Variants in ZNF260 observed in about 807,000 individuals in gnomAD.
ZNF260 encodes the protein zinc finger protein 260, also known as zfp-260.
Under a neutral mutation model 29.3 loss-of-function variants are expected in ZNF260, and 21 were observed. The ratio of observed to expected loss-of-function variants is 0.72; its 90% CI spans 0.51 to 1.03. The LOEUF (loss-of-function observed/expected upper bound fraction) is 1.03, where lower values mean the gene tolerates loss of function less well. Ranked by LOEUF, ZNF260 falls within the 50% of genes least tolerant of loss-of-function variation. The probability of loss-of-function intolerance (pLI) is 0.00; values close to 1 mark genes in which losing one functional copy is unlikely to be tolerated. For synonymous variants in ZNF260, 156 were observed against 156.8 expected, an observed-to-expected ratio of 0.99 and a Z score of 0.04; for missense variants, 465 against 487.8, an observed-to-expected ratio of 0.95 and a Z score of 0.44.
Position 36,513,669 on chromosome 19 carries a change from A to G in ZNF260, c.*331T>C, listed in dbSNP as rs1187268465. On this transcript the variant is annotated 3_prime_UTR_variant, in exon 3 of 3. Transcript: ENST00000523638. ...CACAAAAATGATAATTTTGTCTCTT[A>G]ATTTCAAATCCTCATACATCTCATA... The G allele has an allele frequency of 7.2e-6, 3 of 414,900 alleles. No homozygotes were observed. The Admixed American group carries it at 1.2e-4, about 16-fold the overall frequency. 25.7% of individuals were successfully genotyped at this position (414,900 alleles called of 1,614,324 possible).
intron 2 of ZNF260, among the ~76,000 whole-genome samples, chr19:36,521,080 CAAA>C (rs767618733): frequency 1.8e-5 from 2 of 108,580 alleles, no homozygotes; most frequent in Admixed American, 9.4e-5. Flanking sequence ...GACCTTGTCT[CAAA>C]AAAAAAAAAA....
chr19:36,523,664 G>A (rs1489355058), intron 2 of ZNF260, among the ~76,000 whole-genome samples: 2 of 145,678 alleles, frequency 1.4e-5, no homozygotes, highest in African/African-American at 5.1e-5. Context: ...TGCAACCTCC[G>A]CCTCCCAGGT....
rs950830549 is a variant in ZNF260, at chr19:36,512,984, C to A, written c.*1016G>T. The A allele has an allele frequency of 9.9e-5, 15 of 152,076 alleles. No homozygotes were observed. Among genetic ancestry groups the A allele is most frequent in the African/African-American group, 3.4e-4 (14 of 41,410 alleles). The allele number at this position is 152,076 out of a possible 1,614,324, so 9.4% of individuals were successfully genotyped here. A position where few individuals can be genotyped will look rare whatever the true frequency, so the allele number is the denominator to read the frequency against. On this transcript the variant is annotated 3_prime_UTR_variant, in exon 3 of 3. Transcript: ENST00000523638. ...TCAGTTACCTGTAGTCACCACAGTTCATAAATAGTTGAGAACAGTACAATA... is the reference window on the plus strand; with the variant it reads ...TCAGTTACCTGTAGTCACCACAGTTAATAAATAGTTGAGAACAGTACAATA...
intron 2 of ZNF260, among the ~76,000 whole-genome samples, chr19:36,516,425 C>G (rs919851120): frequency 7.2e-5 from 11 of 151,806 alleles, no homozygotes; most frequent in Non-Finnish European, 1.5e-4. Context: ...GCGAGACTCT[C>G]GTCTCTATAA....
At chr19:36,527,909 A>C (rs968506941) in intron 1 of ZNF260, among the ~76,000 whole-genome samples, 2 of 152,078 alleles carry the variant, frequency 1.3e-5, no homozygotes, top group African/African-American at 4.8e-5. Flanking sequence ...TTTAGAAATG[A>C]GAAAAGTGAG....
chr19:36,527,950 C>G (rs1187051604), intron 1 of ZNF260, among the ~76,000 whole-genome samples: 1 of 152,050 alleles, frequency 6.6e-6, no homozygotes, highest in Non-Finnish European at 1.5e-5. Context: ...CAAAGCCATC[C>G]GTCCATCCTC....
chr19:36,514,910 G>C lies in ZNF260; in HGVS notation c.329C>G (p.Pro110Arg). The C allele has an allele frequency of 6.2e-7, 1 of 1,614,066 alleles. No individual in the cohort carries two copies. The highest frequency in any genetic ancestry group is 8.5e-7 in the Non-Finnish European group (1 of 1,180,008). Residue 110 changes from proline to arginine, a missense_variant, in exon 3 of 3, where the codon CCT becomes CGT. By Grantham distance (103) the Pro-to-Arg change is moderately radical. Coordinates refer to ENST00000523638, the MANE Select transcript of ZNF260 (RefSeq NM_001166037.2). ...AATAGAAACTTTTTCACATTCATAA[G>C]GTTTCTCTCCAGTGTGATGTTTCTG... is the stretch of plus-strand genomic sequence containing the variant. ...SHQKHHTGEK[P>R]YECEKVSIQM...
intron 1 of ZNF260, among the ~76,000 whole-genome samples, chr19:36,526,615 A>G (rs2034739120): frequency 6.6e-6 from 1 of 152,216 alleles, no homozygotes; most frequent in Non-Finnish European, 1.5e-5. Context: ...CTTTAAAATT[A>G]TCTCCAGATT....
chr19:36,525,645 G>A (rs1194529737), intron 1 of ZNF260, among the ~76,000 whole-genome samples: 1 of 152,052 alleles, frequency 6.6e-6, no homozygotes. Context: ...AAATTAGCCA[G>A]GCGTGGTGGC....
Position 36,514,580 on chromosome 19 carries a change from T to C in ZNF260, c.659A>G (p.Tyr220Cys). 1 of 1,614,132 alleles carries C rather than the reference T, an allele frequency of 6.2e-7. No homozygotes were observed. Among genetic ancestry groups the C allele is most frequent in the Non-Finnish European group, 8.5e-7 (1 of 1,180,004 alleles). ...AGCTTTCCCACACCCTTTACATTCA[T>C]AAGGTTTCTCTCCAGTATGGATTCT... The part of the protein sequence containing the change: ...HQRIHTGEKP[Y>C]ECKGCGKAFI... Residue 220 changes from tyrosine to cysteine, a missense_variant, in exon 3 of 3, where the codon TAT becomes TGT. Physicochemically the swap from Tyr to Cys is radical, Grantham distance 194. Coordinates refer to ENST00000523638, the MANE Select transcript of ZNF260 (RefSeq NM_001166037.2).
chr19:36,527,250 G>A (rs1237312874), intron 1 of ZNF260, among the ~76,000 whole-genome samples: 1 of 152,162 alleles, frequency 6.6e-6, no homozygotes, highest in Non-Finnish European at 1.5e-5. Flanking sequence ...CCAATAGTTA[G>A]GGGAAAAGCA....
Position 36,514,690 on chromosome 19 carries a change from C to T in ZNF260, c.549G>A (p.Gln183=), listed in dbSNP as rs543219900. ...FSQKQYLIKH[Q]NIHTGKKPFK... is the part of the protein sequence containing the mutation. The stretch of plus-strand genomic sequence containing the variant: ...AGGGCTTCTTTCCAGTATGGATGTT[C>T]TGATGTTTAATGAGGTATTGCTTCT... Residue 183 remains glutamine (Q), a synonymous_variant, in exon 3 of 3, where the codon CAG becomes CAA. Transcript: ENST00000523638. The T allele has an allele frequency of 2.2e-5, 35 of 1,613,632 alleles. No individual in the cohort carries two copies. In the South Asian group the frequency reaches 3.3e-4, roughly 15 times the overall value.
chr19:36,518,711 G>A lies in ZNF260; in HGVS notation c.-461-3012C>T, dbSNP rs1431413055. 5.9e-5 allele frequency among the ~76,000 whole-genome samples: 9 copies of A among 152,218 alleles called. No individual in the cohort carries two copies. In the East Asian group the frequency reaches 1.5e-3, roughly 26 times the overall value. ...AAGAGCTAATAAAGAACACTTCCCA[G>A]AATTACAAATCATGAGTCCACATAC... On this transcript the variant is annotated intron_variant, in intron 2 of 2. Coordinates refer to ENST00000523638, the MANE Select transcript of ZNF260 (RefSeq NM_001166037.2).
chr19:36,513,992 A>G lies in ZNF260; in HGVS notation c.*8T>C. ...GTTTTGCTAAATCCAAGGCATTCAT[A>G]GAGAACTTTAATGAGTATGAATTCT... On this transcript the variant is annotated 3_prime_UTR_variant, in exon 3 of 3. Coordinates refer to ENST00000523638, the MANE Select transcript of ZNF260 (RefSeq NM_001166037.2). 6.2e-7 allele frequency: 1 copy of G among 1,602,186 alleles called. No homozygotes were observed. The highest frequency in any genetic ancestry group is 2.2e-5 in the East Asian group (1 of 44,650).
At chr19:36,527,927 G>A (rs572043749) in intron 1 of ZNF260, among the ~76,000 whole-genome samples, 10 of 152,164 alleles carry the variant, frequency 6.6e-5, no homozygotes, top group South Asian at 2.1e-4. Context: ...GAGGCTTAGA[G>A]GTTACTACCT....
chr19:36,524,394 T>C (rs1400875652), intron 2 of ZNF260, among the ~76,000 whole-genome samples: 1 of 152,000 alleles, frequency 6.6e-6, no homozygotes, highest in Non-Finnish European at 1.5e-5. Context: ...TTAGCCAGGA[T>C]GGTCGTGATC....
chr19:36,512,456 G>C lies in ZNF260; in HGVS notation c.*1544C>G, dbSNP rs1463056653. 1 of 152,054 alleles carries C rather than the reference G, an allele frequency of 6.6e-6. No homozygotes were observed. The highest frequency in any genetic ancestry group is 2.4e-5 in the African/African-American group (1 of 41,424). 9.4% of individuals were successfully genotyped at this position (152,054 alleles called of 1,614,324 possible). On this transcript the variant is annotated 3_prime_UTR_variant, in exon 3 of 3. Transcript: ENST00000523638. Reference sequence around the variant, plus strand: ...GAATGTTTCTTTTTAATAAGAAATAGATACAAAATTGAAGTATCCTTTAAC... The same window carrying C: ...GAATGTTTCTTTTTAATAAGAAATACATACAAAATTGAAGTATCCTTTAAC...
Position 36,523,482 on chromosome 19 carries a change from C to G in ZNF260, c.-462+1673G>C, listed in dbSNP as rs56892143. On this transcript the variant is annotated intron_variant, in intron 2 of 2. Transcript: ENST00000523638. ...GTTAACAGTGGCTGCTTCTGGGAAA[C>G]AGGGGATTGAGGGCCAGGAATGAAG... Among the ~76,000 whole-genome samples, 1,468 of 151,840 alleles carry G rather than the reference C, an allele frequency of 9.7e-3. 28 individuals are homozygous for G. Among genetic ancestry groups the G allele is most frequent in the African/African-American group, 0.034 (1,419 of 41,352 alleles).
intron 1 of ZNF260, among the ~76,000 whole-genome samples, 162 bp downstream of exon 1, chr19:36,528,057 C>G (rs543752238): frequency 1.6e-4 from 24 of 152,208 alleles, no homozygotes; most frequent in African/African-American, 4.6e-4. Flanking sequence ...TGTACCCCTG[C>G]CCCCAGCCAC....
Sources: gnomAD v4.1 joint callset for allele counts (sites outside exome capture counted in the v4.1 genomes callset) on GRCh38, gnomAD v4.1.1 for gene constraint, MANE v1.5 for transcripts, NCBI Gene and HGNC (gene_info 2026-07-23, HGNC 2026-07-21) for gene names.